The following AUTS2 variants were observed in gnomAD, a reference collection of about 807,000 sequenced individuals.
AUTS2 encodes activator of transcription and developmental regulator AUTS2.
Under a neutral mutation model 112.4 loss-of-function variants are expected in AUTS2, and 17 were observed. The ratio of observed to expected loss-of-function variants is 0.15; its 90% CI spans 0.10 to 0.23. The LOEUF (loss-of-function observed/expected upper bound fraction) is 0.23. AUTS2 is among the 10% of genes least tolerant of loss of function. The pLI is 1.00. For missense variants in AUTS2, 1,510 were observed against 1,701.6 expected, an observed-to-expected ratio of 0.89 and a Z score of 1.98; for synonymous variants, 751 against 702.7, an observed-to-expected ratio of 1.07 and a Z score of -1.09.
intron 1 of AUTS2, among the ~76,000 whole-genome samples, chr7:69,678,043 TGATAAATTAC>T (rs1483064118): frequency 1.3e-5 from 2 of 152,192 alleles, no homozygotes; most frequent in African/African-American, 2.4e-5. Flanking sequence ...GTGATGCTGC[TGATAAATTAC>T]TTTTAAGATG....
intron 1 of AUTS2, among the ~76,000 whole-genome samples, chr7:69,770,050 T>C (rs1788595249): frequency 1.3e-5 from 2 of 152,160 alleles, no homozygotes; most frequent in African/African-American, 4.8e-5. Flanking sequence ...TCCCAGATGG[T>C]TGGTATAGTG....
intron 2 of AUTS2, among the ~76,000 whole-genome samples, chr7:70,030,033 T>C (rs1051258412): frequency 2.6e-5 from 4 of 152,172 alleles, no homozygotes; most frequent in Non-Finnish European, 5.9e-5. Flanking sequence ...AGGAAACCTT[T>C]CCAGAAAATC....
At chr7:70,060,190 TTG>T (rs1652188341) in intron 2 of AUTS2, among the ~76,000 whole-genome samples, 1 of 152,144 alleles carries the variant, frequency 6.6e-6, no homozygotes, top group Non-Finnish European at 1.5e-5. Context: ...TAAAAAGTTT[TTG>T]TACACTCTTT....
chr7:70,388,725 A>G (rs931078499), intron 4 of AUTS2, among the ~76,000 whole-genome samples: 6 of 152,328 alleles, frequency 3.9e-5, no homozygotes, highest in African/African-American at 1.4e-4. Flanking sequence ...CATAATGAGG[A>G]AAGTGTATTC....
At chr7:69,653,578 G>A (rs1214685263) in intron 1 of AUTS2, among the ~76,000 whole-genome samples, 2 of 151,592 alleles carry the variant, frequency 1.3e-5, no homozygotes, top group African/African-American at 4.9e-5. Flanking sequence ...TTCTCTAAGT[G>A]TACTAAGAAT....
intron 2 of AUTS2, among the ~76,000 whole-genome samples, chr7:70,051,988 T>G (rs962116652): frequency 1.3e-5 from 2 of 152,180 alleles, no homozygotes. Context: ...CTTTCCTGGA[T>G]GGAATTTATG....
intron 2 of AUTS2, among the ~76,000 whole-genome samples, chr7:69,904,426 G>A (rs750922295): frequency 6.6e-5 from 10 of 152,160 alleles, no homozygotes; most frequent in Admixed American, 1.3e-4. Flanking sequence ...GGAAATCTAG[G>A]CCAAAAATCA....
chr7:70,150,696 T>G (rs540544231), intron 4 of AUTS2, among the ~76,000 whole-genome samples: 1 of 152,352 alleles, frequency 6.6e-6, no homozygotes, highest in African/African-American at 2.4e-5. Context: ...AGCAGGCCAG[T>G]CAGCCTGTTT....
chr7:69,913,999 C>T (rs748222896), intron 2 of AUTS2, among the ~76,000 whole-genome samples: 2 of 152,108 alleles, frequency 1.3e-5, no homozygotes, highest in Non-Finnish European at 2.9e-5. Flanking sequence ...TTCATAGGGG[C>T]TTTTCTCGAC....
chr7:70,076,282 T>C (rs546608623), intron 2 of AUTS2, among the ~76,000 whole-genome samples: 1 of 152,250 alleles, frequency 6.6e-6, no homozygotes, highest in African/African-American at 2.4e-5. Context: ...AAGGCTCAAG[T>C]TAATAATAGT....
rs1194832552 is a variant in AUTS2, at chr7:69,893,055, AG to A, written c.310-6230del. On this transcript the variant is annotated intron_variant, in intron 1 of 18. Transcript: ENST00000342771. ...ACTTTACTATAATAGTTCACTGATT[AG>A]CCTGTTTCCCTGGATAAGCAGCCTG... 2.6e-5 allele frequency among the ~76,000 whole-genome samples: 4 copies of A among 152,230 alleles called. 1 individual carries two copies. The highest frequency in any genetic ancestry group is 4.4e-5 in the Non-Finnish European group (3 of 68,040).
intron 4 of AUTS2, among the ~76,000 whole-genome samples, chr7:70,412,173 G>A (rs936848856): frequency 6.6e-6 from 1 of 152,016 alleles, no homozygotes; most frequent in Non-Finnish European, 1.5e-5. Context: ...GGGATTACAG[G>A]TGTGAGCCAC....
intron 4 of AUTS2, among the ~76,000 whole-genome samples, chr7:70,299,827 C>CA (rs201306371): frequency 0.094 from 1,586 of 16,962 alleles, 39 homozygotes; most frequent in African/African-American, 0.17. Flanking sequence ...TGTTTTTTTC[C>CA]TTTAAAAAAA....
chr7:70,569,105 C>G (rs983650998), intron 5 of AUTS2, among the ~76,000 whole-genome samples: 3 of 152,172 alleles, frequency 2.0e-5, no homozygotes, highest in Non-Finnish European at 4.4e-5. Flanking sequence ...TGCAGCTGTT[C>G]TGGTTGAAGA....
chr7:69,866,483 C>G (rs1240642632), intron 1 of AUTS2, among the ~76,000 whole-genome samples: 1 of 152,144 alleles, frequency 6.6e-6, no homozygotes, highest in Non-Finnish European at 1.5e-5. Context: ...GTTAAGGCAC[C>G]TGTCACATAC....
chr7:70,470,818 C>G (rs1384808290), intron 5 of AUTS2, among the ~76,000 whole-genome samples: 2 of 152,110 alleles, frequency 1.3e-5, no homozygotes, highest in Non-Finnish European at 2.9e-5. Context: ...TTCTTTTGCC[C>G]TCCAGCCAAA....
chr7:70,555,548 T>C (rs1315494989), intron 5 of AUTS2, among the ~76,000 whole-genome samples: 1 of 152,178 alleles, frequency 6.6e-6, no homozygotes, highest in Non-Finnish European at 1.5e-5. Context: ...TGGCACAGTG[T>C]CCTGTCTGGA....
intron 4 of AUTS2, among the ~76,000 whole-genome samples, chr7:70,390,889 A>C (rs1585090998): frequency 6.6e-6 from 1 of 152,212 alleles, no homozygotes; most frequent in East Asian, 1.9e-4. Context: ...ACAAAGGCCC[A>C]AGCTCTTTCC....
intron 4 of AUTS2, among the ~76,000 whole-genome samples, chr7:70,150,521 T>G (rs535434884): frequency 6.6e-6 from 1 of 152,176 alleles, no homozygotes; most frequent in Non-Finnish European, 1.5e-5. Context: ...AACAGACACA[T>G]AGACCATCAG....
Sources: allele counts gnomAD v4.1 joint callset (sites outside exome capture counted in the v4.1 genomes callset), GRCh38; gene constraint gnomAD v4.1.1; transcripts MANE v1.5; gene names NCBI Gene and HGNC (gene_info 2026-07-23, HGNC 2026-07-21).